The following PRKCE variants were observed in gnomAD, a reference collection of about 807,000 sequenced individuals.
PRKCE encodes protein kinase C epsilon type.
In PRKCE, 16 loss-of-function variants were observed where a neutral mutation model predicts 85.4. The ratio of observed to expected loss-of-function variants is 0.19; its 90% CI spans 0.13 to 0.28. PRKCE has a LOEUF of 0.28. PRKCE is among the 10% of genes least tolerant of loss of function. PRKCE has a pLI of 1.00. For missense variants in PRKCE, 573 were observed against 975.2 expected, an observed-to-expected ratio of 0.59 and a Z score of 5.49; for synonymous variants, 388 against 371.5, an observed-to-expected ratio of 1.04 and a Z score of -0.51.
At chr2:45,838,844 A>G (rs1691112714) in intron 1 of PRKCE, among the ~76,000 whole-genome samples, 2 of 152,180 alleles carry the variant, frequency 1.3e-5, no homozygotes, top group African/African-American at 2.4e-5. Flanking sequence ...ATTACATGTA[A>G]CAATACCAAC....
At chr2:45,725,777 A>G (rs904779454) in intron 1 of PRKCE, among the ~76,000 whole-genome samples, 6 of 151,738 alleles carry the variant, frequency 4.0e-5, no homozygotes, top group Non-Finnish European at 8.8e-5. Context: ...GTTGCAGTGA[A>G]CCGAGATCAC....
chr2:46,019,614 C>T (rs1393421334), intron 10 of PRKCE, among the ~76,000 whole-genome samples: 1 of 152,078 alleles, frequency 6.6e-6, no homozygotes, highest in Non-Finnish European at 1.5e-5. Flanking sequence ...TTTTTGTAGC[C>T]AGAAGTATAC....
intron 2 of PRKCE, among the ~76,000 whole-genome samples, chr2:45,898,602 G>A (rs920701844): frequency 2.0e-5 from 3 of 152,186 alleles, no homozygotes; most frequent in Admixed American, 1.3e-4. Flanking sequence ...TAATAAACCA[G>A]TGCAATTGAA....
intron 13 of PRKCE, among the ~76,000 whole-genome samples, chr2:46,153,302 T>C (rs1252235630): frequency 6.6e-6 from 1 of 152,266 alleles, no homozygotes; most frequent in East Asian, 1.9e-4. Context: ...ATTGAGCATC[T>C]AGTAAAGACT....
intron 14 of PRKCE, among the ~76,000 whole-genome samples, chr2:46,177,302 A>C (rs1374244705): frequency 6.6e-6 from 1 of 152,192 alleles, no homozygotes; most frequent in Non-Finnish European, 1.5e-5. Flanking sequence ...GAAAAATAAG[A>C]TTGGAGTTTG....
chr2:46,030,782 C>T (rs1707460172), intron 10 of PRKCE, among the ~76,000 whole-genome samples: 1 of 152,234 alleles, frequency 6.6e-6, no homozygotes, highest in Non-Finnish European at 1.5e-5. Flanking sequence ...CCATTTGTTT[C>T]TCCTAGCCCT....
intron 11 of PRKCE, among the ~76,000 whole-genome samples, chr2:46,099,290 T>C (rs1670989204): frequency 6.6e-6 from 1 of 152,106 alleles, no homozygotes; most frequent in Non-Finnish European, 1.5e-5. Flanking sequence ...GACCCCTTTC[T>C]ATCTCCTCAA....
intron 2 of PRKCE, among the ~76,000 whole-genome samples, chr2:45,908,536 G>C (rs1697151087): frequency 1.3e-5 from 2 of 152,172 alleles, no homozygotes; most frequent in Non-Finnish European, 2.9e-5. Context: ...TGTGGCTGTG[G>C]CTTCTGCATT....
Position 45,697,033 on chromosome 2 carries a change from C to G in PRKCE, c.348+44585C>G, listed in dbSNP as rs142777613. The stretch of plus-strand genomic sequence containing the variant: ...TTGCCACCAAGGCCCATGTTTGGTG[C>G]AGAGCTGAAAGCAAACCTTTTTGTG... On this transcript the variant is annotated intron_variant, in intron 1 of 14. Coordinates refer to ENST00000306156, the MANE Select transcript of PRKCE (RefSeq NM_005400.3). This position sits in a 1 kb window ranked among gnomAD's most constrained non-coding sequence, Gnocchi z 4.2. 1.4e-4 allele frequency among the ~76,000 whole-genome samples: 22 copies of G among 152,226 alleles called. No homozygotes were observed. The highest frequency in any genetic ancestry group is 2.8e-4 in the Non-Finnish European group (19 of 68,034).
intron 11 of PRKCE, among the ~76,000 whole-genome samples, chr2:46,124,215 C>A (rs562166014): frequency 6.6e-6 from 1 of 152,036 alleles, no homozygotes; most frequent in African/African-American, 2.4e-5. Context: ...ATCCCAGATA[C>A]TTGGGAGGCT....
chr2:45,982,869 G>A lies in PRKCE; in HGVS notation c.694-1682G>A, dbSNP rs142416268. 1.2e-4 allele frequency among the ~76,000 whole-genome samples: 19 copies of A among 152,136 alleles called. No individual in the cohort carries two copies. The East Asian group carries it at 3.1e-3, about 25-fold the overall frequency. ...CCTGGGACAACGTCCCCACTTTTTC[G>A]CCTTAGTCTGTCATTCATACCCCTA... On this transcript the variant is annotated intron_variant, in intron 5 of 14. Coordinates refer to ENST00000306156, the MANE Select transcript of PRKCE (RefSeq NM_005400.3).
At chr2:46,152,259 G>A (rs1207626344) in intron 13 of PRKCE, among the ~76,000 whole-genome samples, 4 of 151,026 alleles carry the variant, frequency 2.6e-5, no homozygotes, top group Admixed American at 6.6e-5. Context: ...TTGGCTCACT[G>A]CAATCTCCTC....
intron 1 of PRKCE, among the ~76,000 whole-genome samples, chr2:45,779,342 A>T (rs1249950046): frequency 6.6e-6 from 1 of 152,158 alleles, no homozygotes; most frequent in East Asian, 1.9e-4. Context: ...AGGATTCGAA[A>T]GGTGGCATGG....
chr2:46,061,925 C>T (rs1028766469), intron 10 of PRKCE, among the ~76,000 whole-genome samples: 21 of 140,874 alleles, frequency 1.5e-4, no homozygotes, highest in East Asian at 6.3e-4. Context: ...GGCACAATCT[C>T]GGCTCACTAC....
chr2:45,910,290 G>A (rs1397919299), intron 2 of PRKCE, among the ~76,000 whole-genome samples: 1 of 152,210 alleles, frequency 6.6e-6, no homozygotes, highest in East Asian at 1.9e-4. Flanking sequence ...CAGTGGCTGT[G>A]TGCAGAGTTC....
intron 1 of PRKCE, 68 bp from the exon 2 acceptor site, chr2:45,842,932 A>T (rs1691475829): frequency 7.0e-7 from 1 of 1,427,584 alleles, no homozygotes; most frequent in Non-Finnish European, 9.9e-7. Context: ...TGGGGTAGAA[A>T]TGTTGTGGAA....
At chr2:46,064,048 G>A (rs751324457) in intron 10 of PRKCE, among the ~76,000 whole-genome samples, 39 of 152,070 alleles carry the variant, frequency 2.6e-4, no homozygotes, top group Non-Finnish European at 4.9e-4. Flanking sequence ...TTGGGAGGCC[G>A]AGGTGGGCGG....
intron 2 of PRKCE, among the ~76,000 whole-genome samples, chr2:45,879,797 A>C (rs958925329): frequency 6.6e-6 from 1 of 152,226 alleles, no homozygotes; most frequent in Admixed American, 6.5e-5. Context: ...GGTACTGGTG[A>C]TGTTTTGATA....
intron 5 of PRKCE, among the ~76,000 whole-genome samples, chr2:45,981,168 A>G (rs1379648914): frequency 6.6e-6 from 1 of 152,224 alleles, no homozygotes; most frequent in African/African-American, 2.4e-5. Flanking sequence ...AGCAATTACG[A>G]GAATGATAGT....
Sources: allele counts gnomAD v4.1 joint callset (sites outside exome capture counted in the v4.1 genomes callset), GRCh38; gene constraint gnomAD v4.1.1; non-coding constraint Gnocchi (gnomAD v3.1); transcripts MANE v1.5; gene names NCBI Gene and HGNC (gene_info 2026-07-23, HGNC 2026-07-21).